The following TNR variants were observed in gnomAD, a reference collection of about 807,000 sequenced individuals.
TNR encodes tenascin R, also known as tenascin-R.
Under a neutral mutation model 150.4 loss-of-function variants are expected in TNR, and 45 were observed. That is an observed-to-expected ratio of 0.30 (90% CI 0.24 to 0.38). The LOEUF is 0.38. Among genes scored for constraint, TNR ranks in the 10% least tolerant of loss-of-function variants. The probability of loss-of-function intolerance (pLI) is 1.00; values close to 1 mark genes in which losing one functional copy is unlikely to be tolerated. For missense variants in TNR, 1,544 were observed against 1,759.1 expected (o/e 0.88, Z 2.19); for synonymous variants, 687 against 678.4 (o/e 1.01, Z -0.20).
Position 175,363,741 on chromosome 1 carries a change from C to A in TNR, c.2674G>T (p.Asp892Tyr). Residue 892 changes from aspartate (D) to tyrosine (Y), a missense_variant, in exon 13 of 23, where the codon GAT (aspartate) becomes TAT (tyrosine). Around this residue, in one of 2 missense-constraint regions of TNR, gnomAD observed 1,254 missense variants for 1,329.4 expected, o/e 0.94. Transcript: ENST00000367674. ...GGTCGATATGATACTCGGTAGTAAT[C>A]GAAAGATGCAACAGGAGGGCTCCAG... ...VSWSPPVASF[D>Y]YYRVSYRPTQ... 6.2e-7 allele frequency: 1 copy of A among 1,613,792 alleles called. No individual in the cohort carries two copies. Among genetic ancestry groups the A allele is most frequent in the Non-Finnish European group, 8.5e-7 (1 of 1,179,826 alleles).
intron 2 of TNR, among the ~76,000 whole-genome samples, chr1:175,514,627 T>C (rs149306243): frequency 6.6e-6 from 1 of 152,270 alleles, no homozygotes; most frequent in Admixed American, 6.5e-5. Context: ...GTAGTGTACC[T>C]TGATGAAAAA....
At chr1:175,331,078 C>CTTTCCTTCTTTCTTTCTTTCTTTCT (rs57439733) in intron 20 of TNR, among the ~76,000 whole-genome samples, 1 of 59,916 alleles carries the variant, frequency 1.7e-5, no homozygotes, top group African/African-American at 6.3e-5. Flanking sequence ...TCTTTCTTTC[C>CTTTCCTTCTTTCTTTCTTTCTTTCT]TTCTTTCTTT....
intron 21 of TNR, among the ~76,000 whole-genome samples, chr1:175,329,451 C>T (rs1200446826): frequency 6.6e-6 from 1 of 152,124 alleles, no homozygotes; most frequent in Non-Finnish European, 1.5e-5. Flanking sequence ...ACACAGAAAA[C>T]CTGACCGTCT....
intron 1 of TNR, among the ~76,000 whole-genome samples, chr1:175,587,643 G>T (rs926161412): frequency 3.9e-5 from 6 of 152,100 alleles, no homozygotes; most frequent in African/African-American, 1.4e-4. Flanking sequence ...CTTAATTCTG[G>T]CTACACAAAA....
intron 2 of TNR, among the ~76,000 whole-genome samples, chr1:175,429,513 G>C (rs1182162505): frequency 6.6e-6 from 1 of 152,278 alleles, no homozygotes; most frequent in South Asian, 2.1e-4. Context: ...AAATCACTTA[G>C]AACAGAACCT....
chr1:175,614,020 C>T (rs1322605472), intron 1 of TNR, among the ~76,000 whole-genome samples: 2 of 152,062 alleles, frequency 1.3e-5, no homozygotes, highest in African/African-American at 2.4e-5. Context: ...TCTAAGCCTC[C>T]GTTTCTTTAT....
In TNR at chr1:175,355,038, C is replaced by T. The variant is rs577776101; in HGVS notation, c.3249+465G>A. On this transcript the variant is annotated intron_variant, in intron 17 of 22. Coordinates refer to ENST00000367674, the MANE Select transcript of TNR (RefSeq NM_003285.3). Reference sequence around the variant, plus strand: ...TTACTGTAGGCTACACAGATATCACCTTTATAATGCTTATCAAGAGGCATA... The same window carrying T: ...TTACTGTAGGCTACACAGATATCACTTTTATAATGCTTATCAAGAGGCATA... Among the ~76,000 whole-genome samples the T allele has an allele frequency of 7.9e-5, 12 of 152,268 alleles. No individual in the cohort carries two copies. In the East Asian group the frequency reaches 2.1e-3, roughly 27 times the overall value.
intron 1 of TNR, among the ~76,000 whole-genome samples, chr1:175,646,939 C>T (rs114124893): frequency 1.1e-3 from 161 of 152,240 alleles, no homozygotes; most frequent in African/African-American, 3.8e-3. Context: ...CTCAAGGTAC[C>T]ACATCTGGTT....
chr1:175,572,040 G>A (rs1661894403), intron 1 of TNR, among the ~76,000 whole-genome samples: 2 of 152,120 alleles, frequency 1.3e-5, no homozygotes, highest in African/African-American at 4.8e-5. Context: ...GCAGTCTCAT[G>A]AGAAGCACCC....
intron 2 of TNR, among the ~76,000 whole-genome samples, chr1:175,457,589 C>T (rs576259584): frequency 1.6e-4 from 25 of 152,268 alleles, no homozygotes; most frequent in Non-Finnish European, 2.9e-4. Context: ...GGGCTCTACA[C>T]CAGATCTATA....
At chr1:175,524,114 C>T (rs1368808957) in intron 2 of TNR, among the ~76,000 whole-genome samples, 3 of 152,146 alleles carry the variant, frequency 2.0e-5, no homozygotes, top group Non-Finnish European at 2.9e-5. Flanking sequence ...CACCCTGCCT[C>T]TCTATAGTGC....
intron 20 of TNR, 125 bp downstream of exon 20, chr1:175,335,586 A>G (rs889899498): frequency 3.4e-6 from 3 of 886,138 alleles, no homozygotes; most frequent in Non-Finnish European, 5.4e-6. Flanking sequence ...TCTGAAAGCA[A>G]TTCAGGAGCT....
intron 2 of TNR, among the ~76,000 whole-genome samples, chr1:175,432,601 C>T (rs1412915698): frequency 6.6e-6 from 1 of 152,016 alleles, no homozygotes; most frequent in African/African-American, 2.4e-5. Flanking sequence ...TCTTTTCCTT[C>T]TCTGCTCCAT....
intron 1 of TNR, among the ~76,000 whole-genome samples, chr1:175,645,520 A>C (rs931291936): frequency 6.6e-6 from 1 of 152,252 alleles, no homozygotes; most frequent in Non-Finnish European, 1.5e-5. Flanking sequence ...TCTTTGTATC[A>C]GGAACATTGA....
intron 2 of TNR, among the ~76,000 whole-genome samples, chr1:175,483,608 G>A (rs1290474682): frequency 6.6e-6 from 1 of 152,218 alleles, no homozygotes; most frequent in African/African-American, 2.4e-5. Flanking sequence ...CTGAAGAGGA[G>A]AGAGAGACAC....
intron 15 of TNR, among the ~76,000 whole-genome samples, 194 bp from the exon 16 acceptor site, chr1:175,356,656 TG>T (rs1167414496): frequency 6.6e-6 from 1 of 152,126 alleles, no homozygotes; most frequent in Non-Finnish European, 1.5e-5. Context: ...TGAAAAAAAG[TG>T]TTCTTTATGT....
At chr1:175,395,064 T>A (rs1242703777) in intron 5 of TNR, among the ~76,000 whole-genome samples, 24 of 151,970 alleles carry the variant, frequency 1.6e-4, no homozygotes, top group African/African-American at 4.1e-4. Context: ...ATTTTTTTTT[T>A]AAAAAAAGGT....
intron 1 of TNR, among the ~76,000 whole-genome samples, chr1:175,674,257 G>A (rs1287741734): frequency 1.3e-5 from 2 of 152,196 alleles, no homozygotes; most frequent in East Asian, 1.9e-4. Context: ...GGGATGCAGG[G>A]ATGAATGCTC....
intron 1 of TNR, among the ~76,000 whole-genome samples, chr1:175,675,326 C>G (rs1665827074): frequency 6.6e-6 from 1 of 152,222 alleles, no homozygotes; most frequent in African/African-American, 2.4e-5. Flanking sequence ...GGTAGCACGG[C>G]TTGGCACTGC....
Sources: allele counts gnomAD v4.1 joint callset (sites outside exome capture counted in the v4.1 genomes callset), GRCh38; gene constraint gnomAD v4.1.1; regional missense constraint gnomAD v4.1.1; transcripts MANE v1.5; gene names NCBI Gene and HGNC (gene_info 2026-07-23, HGNC 2026-07-21).